The following NCKAP5 variants were observed in gnomAD, a reference collection of about 807,000 sequenced individuals.
NCKAP5 encodes the protein nck-associated protein 5.
Under a neutral mutation model 167.0 loss-of-function variants are expected in NCKAP5, and 92 were observed. That is an observed-to-expected ratio of 0.55 (90% CI 0.47 to 0.66). The LOEUF (loss-of-function observed/expected upper bound fraction) is 0.66, where lower values mean the gene tolerates loss of function less well. NCKAP5 is among the 30% of genes least tolerant of loss of function. The pLI, the probability that NCKAP5 is intolerant of heterozygous loss-of-function variation, is 0.00. For synonymous variants in NCKAP5, 891 were observed against 877.4 expected, an observed-to-expected ratio of 1.02 and a Z score of -0.27; for missense variants, 2,378 against 2,315.0, an observed-to-expected ratio of 1.03 and a Z score of -0.56.
intron 2 of NCKAP5, among the ~76,000 whole-genome samples, chr2:133,550,295 A>C (rs1157175818): frequency 2.0e-5 from 3 of 148,734 alleles, no homozygotes; most frequent in South Asian, 2.2e-4. Context: ...ACACAACAAA[A>C]AAAGAGAATT....
chr2:133,350,963 A>G (rs557714761), intron 3 of NCKAP5, among the ~76,000 whole-genome samples: 6 of 152,160 alleles, frequency 3.9e-5, no homozygotes, highest in Middle Eastern at 3.4e-3. Context: ...ACTAGATCAC[A>G]TCTCTCTATT....
intron 11 of NCKAP5, among the ~76,000 whole-genome samples, chr2:132,811,790 C>G (rs928532225): frequency 6.6e-6 from 1 of 152,162 alleles, no homozygotes; most frequent in Non-Finnish European, 1.5e-5. Flanking sequence ...GGCTAGGAAG[C>G]GTCTGGCCCT....
chr2:133,398,661 A>C (rs1338652363), intron 3 of NCKAP5, among the ~76,000 whole-genome samples: 1 of 152,218 alleles, frequency 6.6e-6, no homozygotes, highest in East Asian at 1.9e-4. Context: ...AAAAATAGCA[A>C]ACAATAAAAC....
intron 4 of NCKAP5, among the ~76,000 whole-genome samples, chr2:133,239,368 C>T (rs565527396): frequency 6.6e-6 from 1 of 152,200 alleles, no homozygotes; most frequent in South Asian, 2.1e-4. Flanking sequence ...AACAAATTTA[C>T]AAGAGCATGA....
chr2:132,722,860 G>T (rs62176984), intron 19 of NCKAP5, among the ~76,000 whole-genome samples: 30,008 of 151,922 alleles, frequency 0.2, 3,553 homozygotes, highest in Non-Finnish European at 0.28. Flanking sequence ...GTGTCACCCA[G>T]GCTGTACTGC....
At chr2:133,150,555 A>G (rs2083353046) in intron 5 of NCKAP5, among the ~76,000 whole-genome samples, 1 of 152,140 alleles carries the variant, frequency 6.6e-6, no homozygotes, top group Non-Finnish European at 1.5e-5. Context: ...GGCTTCATCT[A>G]CATTTTTACC....
Position 132,983,920 on chromosome 2 carries a change from A to G in NCKAP5, c.429+10232T>C, listed in dbSNP as rs564535349. ...AACACCCTTTGAACTTCCATTGAGC[A>G]TCCACATTCTCCCATGACCTGTAAG... is the stretch of plus-strand genomic sequence containing the variant. On this transcript the variant is annotated intron_variant, in intron 7 of 19. Coordinates refer to ENST00000409261, the MANE Select transcript of NCKAP5 (RefSeq NM_207363.3). Among the ~76,000 whole-genome samples, 77 of 152,320 alleles carry G rather than the reference A, an allele frequency of 5.1e-4. 1 individual carries two copies. Among genetic ancestry groups the G allele is most frequent in the Non-Finnish European group, 9.7e-4 (66 of 68,036 alleles).
chr2:132,684,915 C>T (rs894904244), intron 19 of NCKAP5, among the ~76,000 whole-genome samples: 1 of 152,164 alleles, frequency 6.6e-6, no homozygotes, highest in Non-Finnish European at 1.5e-5. Context: ...GGCAGGCAGG[C>T]CTTCTCTTGC....
At chr2:132,729,935 A>T (rs1267735093) in intron 17 of NCKAP5, among the ~76,000 whole-genome samples, 1 of 152,122 alleles carries the variant, frequency 6.6e-6, no homozygotes, top group Non-Finnish European at 1.5e-5. Context: ...AAATGTACAC[A>T]TTTGAATTGG....
Position 133,272,262 on chromosome 2 carries a change from T to A in NCKAP5, c.143+30775A>T, listed in dbSNP as rs555707243. On this transcript the variant is annotated intron_variant, in intron 4 of 19. Transcript: ENST00000409261. ...AAAAAATAGAATAAAAGAAATGAAA[T>A]CAAAGTCTAATAAAAGAGAACACAA... Among the ~76,000 whole-genome samples the A allele has an allele frequency of 8.6e-5, 13 of 151,448 alleles. No individual in the cohort carries two copies. The East Asian group carries it at 1.7e-3, about 20-fold the overall frequency.
intron 3 of NCKAP5, among the ~76,000 whole-genome samples, chr2:133,377,577 A>C (rs1247488886): frequency 6.6e-6 from 1 of 152,140 alleles, no homozygotes; most frequent in Non-Finnish European, 1.5e-5. Flanking sequence ...AAAAGCTCTA[A>C]GGTAGAGCAA....
intron 3 of NCKAP5, among the ~76,000 whole-genome samples, chr2:133,389,971 A>T (rs1201106176): frequency 6.6e-6 from 1 of 152,208 alleles, no homozygotes; most frequent in Non-Finnish European, 1.5e-5. Flanking sequence ...TAGAACAGCC[A>T]TCTCTTTGGA....
At chr2:132,770,714 G>C (rs866807097) in intron 16 of NCKAP5, among the ~76,000 whole-genome samples, 1 of 152,110 alleles carries the variant, frequency 6.6e-6, no homozygotes, top group Non-Finnish European at 1.5e-5. Context: ...ACATATGTTT[G>C]TGTGATGAAG....
intron 3 of NCKAP5, among the ~76,000 whole-genome samples, chr2:133,315,978 G>A (rs1008629025): frequency 7.9e-5 from 12 of 152,132 alleles, no homozygotes; most frequent in South Asian, 2.1e-4. Flanking sequence ...ATGGGGCTAC[G>A]GAGGCCCTTG....
chr2:132,705,777 G>C (rs1688300939), intron 19 of NCKAP5, among the ~76,000 whole-genome samples: 1 of 152,154 alleles, frequency 6.6e-6, no homozygotes, highest in African/African-American at 2.4e-5. Context: ...AAGAACCTTA[G>C]AATTCATCTA....
At chr2:133,195,711 A>C (rs182194061) in intron 5 of NCKAP5, among the ~76,000 whole-genome samples, 1 of 152,204 alleles carries the variant, frequency 6.6e-6, no homozygotes, top group African/African-American at 2.4e-5. Context: ...ATCAGAAAAA[A>C]AATTGTGACA....
At chr2:133,169,533 A>G (rs1452848659) in intron 5 of NCKAP5, among the ~76,000 whole-genome samples, 9 of 152,112 alleles carry the variant, frequency 5.9e-5, no homozygotes, top group Non-Finnish European at 1.5e-5. Context: ...CCTTTTTGTG[A>G]CAATATTAAC....
intron 3 of NCKAP5, among the ~76,000 whole-genome samples, chr2:133,428,669 G>C (rs1381206421): frequency 6.6e-6 from 1 of 152,044 alleles, no homozygotes; most frequent in African/African-American, 2.4e-5. Context: ...TATGAACCAA[G>C]CTAAAACACC....
rs560559190 is a variant in NCKAP5, at chr2:132,704,235, G to C, written c.5713+21392C>G. 9.2e-5 allele frequency among the ~76,000 whole-genome samples: 14 copies of C among 152,240 alleles called. No homozygotes were observed. The South Asian group carries it at 2.9e-3, about 32-fold the overall frequency. On this transcript the variant is annotated intron_variant, in intron 19 of 19. Coordinates refer to ENST00000409261, the MANE Select transcript of NCKAP5 (RefSeq NM_207363.3). ...TATACTTTTTGTATCACTGAGCCCA[G>C]AGGTGAAGTAGGTATCCGTCTTTCC...
Sources: allele counts gnomAD v4.1 joint callset (sites outside exome capture counted in the v4.1 genomes callset), GRCh38; gene constraint gnomAD v4.1.1; transcripts MANE v1.5; gene names NCBI Gene and HGNC (gene_info 2026-07-23, HGNC 2026-07-21).